The following DLGAP2 variants were observed in gnomAD, a reference collection of about 807,000 sequenced individuals.
DLGAP2 encodes disks large-associated protein 2.
In DLGAP2, 26 loss-of-function variants were observed where a neutral mutation model predicts 100.3. That is an observed-to-expected ratio of 0.26 (90% CI 0.19 to 0.36). DLGAP2 has a LOEUF of 0.36. DLGAP2 is among the 10% of genes least tolerant of loss of function. DLGAP2 has a pLI of 1.00. For synonymous variants in DLGAP2, 886 were observed against 630.1 expected, an observed-to-expected ratio of 1.41 and a Z score of -6.08; for missense variants, 1,858 against 1,453.2, an observed-to-expected ratio of 1.28 and a Z score of -4.53.
chr8:984,262 G>A (rs4735961), intron 2 of DLGAP2, among the ~76,000 whole-genome samples: 10,247 of 152,234 alleles, frequency 0.067, 481 homozygotes, highest in Admixed American at 0.13. Context: ...TCTTCTATGC[G>A]AGGTGAGCTG....
chr8:771,804 G>T (rs550162354), intron 1 of DLGAP2, among the ~76,000 whole-genome samples: 1 of 152,212 alleles, frequency 6.6e-6, no homozygotes, highest in African/African-American at 2.4e-5. Flanking sequence ...AATTGAAGTG[G>T]CACATATAGA....
chr8:1,224,560 C>T (rs986929634), intron 2 of DLGAP2, among the ~76,000 whole-genome samples: 1 of 151,972 alleles, frequency 6.6e-6, no homozygotes, highest in Non-Finnish European at 1.5e-5. Flanking sequence ...ATCAATGAAA[C>T]TGTAACTTTA....
chr8:1,625,924 C>A (rs2130767439), intron 6 of DLGAP2, among the ~76,000 whole-genome samples: 1 of 152,162 alleles, frequency 6.6e-6, no homozygotes, highest in South Asian at 2.1e-4. Context: ...GTGATGCTAG[C>A]CTCTGGGTGT....
At chr8:1,446,615 C>G (rs1439862522) in intron 3 of DLGAP2, among the ~76,000 whole-genome samples, 2 of 152,012 alleles carry the variant, frequency 1.3e-5, no homozygotes, top group African/African-American at 4.8e-5. Flanking sequence ...GTAGTTTTTT[C>G]CAATTCTGTG....
intron 2 of DLGAP2, among the ~76,000 whole-genome samples, chr8:1,152,045 T>C (rs190481795): frequency 6.6e-6 from 1 of 152,346 alleles, no homozygotes; most frequent in East Asian, 1.9e-4. Flanking sequence ...TTTTCCAAAT[T>C]AGAAGATGAC....
At chr8:1,525,686 T>A (rs1800771292) in intron 4 of DLGAP2, among the ~76,000 whole-genome samples, 1 of 152,254 alleles carries the variant, frequency 6.6e-6, no homozygotes, top group South Asian at 2.1e-4. Context: ...ATCTCACCTC[T>A]GCTTATACAG....
intron 3 of DLGAP2, among the ~76,000 whole-genome samples, chr8:1,361,278 A>G (rs1291242259): frequency 6.6e-6 from 1 of 152,210 alleles, no homozygotes; most frequent in Non-Finnish European, 1.5e-5. Flanking sequence ...TCCAGTCGAC[A>G]TTTCATGGAT....
At chr8:1,260,797 G>T (rs1007688187) in intron 3 of DLGAP2, among the ~76,000 whole-genome samples, 1 of 152,222 alleles carries the variant, frequency 6.6e-6, no homozygotes, top group Admixed American at 6.5e-5. Context: ...GGCTGGCGCA[G>T]GCTGACTTGA....
At chr8:1,255,110 T>A (rs552929965) in intron 2 of DLGAP2, among the ~76,000 whole-genome samples, 22 of 139,012 alleles carry the variant, frequency 1.6e-4, no homozygotes, top group African/African-American at 5.6e-4. Flanking sequence ...CTGGGTGCTG[T>A]GTGTGTGTCC....
At chr8:1,258,990 G>A in intron 3 of DLGAP2, 107 bp downstream of exon 3, 1 of 955,764 alleles carries the variant, frequency 1.0e-6, no homozygotes, top group Non-Finnish European at 1.4e-6. Flanking sequence ...CTTGAACATT[G>A]AGGACGCAGT....
chr8:1,532,392 A>T (rs2130458808), intron 4 of DLGAP2, among the ~76,000 whole-genome samples: 1 of 152,284 alleles, frequency 6.6e-6, no homozygotes, highest in South Asian at 2.1e-4. Context: ...TCCTTTTTAG[A>T]ATGTGTCAGG....
At chr8:1,250,861 C>G (rs140165936) in intron 2 of DLGAP2, among the ~76,000 whole-genome samples, 3 of 152,178 alleles carry the variant, frequency 2.0e-5, no homozygotes, top group African/African-American at 7.2e-5. Flanking sequence ...CGCCAGGTAA[C>G]GACGGGGTGA....
At chr8:767,106 A>G (rs1231214213) in intron 1 of DLGAP2, among the ~76,000 whole-genome samples, 2 of 152,106 alleles carry the variant, frequency 1.3e-5, no homozygotes, top group African/African-American at 2.4e-5. Flanking sequence ...CCCGGGGTGC[A>G]TCTCCTCTTT....
At chr8:1,187,102 C>G (rs754220748) in intron 2 of DLGAP2, among the ~76,000 whole-genome samples, 4 of 151,794 alleles carry the variant, frequency 2.6e-5, no homozygotes, top group Non-Finnish European at 4.4e-5. Context: ...TCAATACGTT[C>G]AAAGATGATT....
At chr8:916,733 C>T (rs1798602304) in intron 2 of DLGAP2, among the ~76,000 whole-genome samples, 1 of 152,088 alleles carries the variant, frequency 6.6e-6, no homozygotes, top group African/African-American at 2.4e-5. Context: ...AGAGGGGCAC[C>T]CAAGTCACCC....
intron 2 of DLGAP2, among the ~76,000 whole-genome samples, chr8:1,199,751 A>C (rs1215538086): frequency 3.3e-5 from 5 of 152,174 alleles, no homozygotes; most frequent in Non-Finnish European, 7.3e-5. Context: ...ACACTTTAGC[A>C]TGAGAGCTCT....
chr8:1,670,173 AT>A (rs2130841802), intron 10 of DLGAP2, among the ~76,000 whole-genome samples: 1 of 152,278 alleles, frequency 6.6e-6, no homozygotes, highest in East Asian at 1.9e-4. Flanking sequence ...CCTCCAGGAT[AT>A]CCACCCAGCC....
intron 2 of DLGAP2, among the ~76,000 whole-genome samples, chr8:1,236,239 CACCATGTCTAGTTATCTCACATGGT>C (rs1563270896): frequency 0.015 from 960 of 65,968 alleles, 1 homozygote; most frequent in South Asian, 0.021. Context: ...TCTCACATGG[CACCATGTCTAGTTATCTCACATGGT>C]GCCGTTTCTA....
intron 8 of DLGAP2, among the ~76,000 whole-genome samples, chr8:1,636,273 C>G (rs538663328): frequency 6.6e-6 from 1 of 152,248 alleles, no homozygotes; most frequent in East Asian, 1.9e-4. Context: ...CGGAAATTTT[C>G]TCAACATATG....
Sources: gnomAD v4.1 joint callset for allele counts (sites outside exome capture counted in the v4.1 genomes callset) on GRCh38, gnomAD v4.1.1 for gene constraint, MANE v1.5 for transcripts, NCBI Gene and HGNC (gene_info 2026-07-23, HGNC 2026-07-21) for gene names.